Variants in BMP2K observed in about 807,000 individuals in gnomAD.
BMP2K encodes the protein BMP-2-inducible protein kinase.
BMP2K carries 74 observed loss-of-function variants against 116.0 expected under a neutral mutation model. The ratio of observed to expected loss-of-function variants is 0.64; its 90% confidence interval spans 0.53 to 0.77. The LOEUF is 0.77. Ranked by LOEUF, BMP2K falls within the 30% of genes least tolerant of loss-of-function variation. BMP2K has a pLI of 0.00. For synonymous variants in BMP2K, 486 were observed against 502.5 expected (o/e 0.97, Z 0.44); for missense variants, 1,365 against 1,403.6 (o/e 0.97, Z 0.44).
chr4:78,826,780 T>C (rs1156381089), intron 2 of BMP2K, among the ~76,000 whole-genome samples: 1 of 152,300 alleles, frequency 6.6e-6, no homozygotes, highest in East Asian at 1.9e-4. Context: ...CTTTCTTTTT[T>C]TTTTCTTAAA....
chr4:78,911,469 C>T lies in BMP2K; in HGVS notation c.2922C>T (p.Ser974=). 1 of 1,614,038 alleles carries T rather than the reference C, an allele frequency of 6.2e-7. No homozygotes were observed. Among genetic ancestry groups the T allele is most frequent in the Non-Finnish European group, 8.5e-7 (1 of 1,179,900 alleles). Reference sequence around the variant, plus strand: ...AGCAGCAAAAAGTCAAACAGCGCAGCTTACAGAAACTGTCCTCTCGCCAAA... The same window carrying T: ...AGCAGCAAAAAGTCAAACAGCGCAGTTTACAGAAACTGTCCTCTCGCCAAA... ...GSQQQKVKQR[S]LQKLSSRQRR... Residue 974 remains serine, a synonymous_variant, in exon 16 of 16, where the codon AGC becomes AGT. Coordinates refer to ENST00000502613, the MANE Select transcript of BMP2K (RefSeq NM_198892.2).
intron 15 of BMP2K, among the ~76,000 whole-genome samples, chr4:78,901,764 C>T (rs1001354989): frequency 3.3e-5 from 5 of 152,046 alleles, no homozygotes; most frequent in Admixed American, 1.3e-4. Context: ...ACTTCTAAAA[C>T]GTAGTTTTCA....
At chr4:78,842,243 A>T (rs1730794103) in intron 3 of BMP2K, 142 bp from the exon 4 acceptor site, 1 of 589,182 alleles carries the variant, frequency 1.7e-6, no homozygotes, top group East Asian at 2.8e-5. Context: ...TTAATACAGT[A>T]TGATGTAATA....
intron 15 of BMP2K, among the ~76,000 whole-genome samples, chr4:78,889,211 ACT>A (rs1197925549): frequency 1.5e-5 from 2 of 134,542 alleles, no homozygotes; most frequent in Non-Finnish European, 1.5e-5. Context: ...ATAGAGTGAG[ACT>A]CTGTCTCAAA....
At chr4:78,781,861 G>A (rs1232367850) in intron 1 of BMP2K, among the ~76,000 whole-genome samples, 6 of 152,068 alleles carry the variant, frequency 3.9e-5, no homozygotes, top group Non-Finnish European at 8.8e-5. Flanking sequence ...GATTTCGAGC[G>A]GGCGAAGAAG....
intron 4 of BMP2K, 63 bp downstream of exon 4, chr4:78,842,590 T>C: frequency 7.0e-7 from 1 of 1,428,556 alleles, no homozygotes; most frequent in Non-Finnish European, 9.4e-7. Flanking sequence ...TCTTGGAGTA[T>C]TTTCATCTAA....
intron 1 of BMP2K, among the ~76,000 whole-genome samples, chr4:78,797,186 TTACATTTAG>T (rs1309681555): frequency 6.6e-6 from 1 of 152,216 alleles, no homozygotes; most frequent in Non-Finnish European, 1.5e-5. Flanking sequence ...TTTAAACTGC[TTACATTTAG>T]TACATCTGGG....
chr4:78,893,445 C>A (rs1034966111), intron 15 of BMP2K, among the ~76,000 whole-genome samples: 1 of 152,138 alleles, frequency 6.6e-6, no homozygotes, highest in Admixed American at 6.5e-5. Context: ...TTACGAATCA[C>A]GAATGATTTT....
chr4:78,838,494 A>G (rs1730602721), intron 3 of BMP2K, among the ~76,000 whole-genome samples: 1 of 152,222 alleles, frequency 6.6e-6, no homozygotes, highest in South Asian at 2.1e-4. Context: ...TCAATGGAGT[A>G]TGCATGATAT....
chr4:78,845,103 G>A lies in BMP2K; in HGVS notation c.668+54G>A, dbSNP rs957256648. The A allele has an allele frequency of 2.1e-6, 3 of 1,453,326 alleles. No individual in the cohort carries two copies. In the African/African-American group the frequency reaches 4.3e-5, roughly 21 times the overall value. 90.0% of individuals were successfully genotyped at this position (1,453,326 alleles called of 1,614,324 possible). On this transcript the variant is annotated intron_variant, in intron 5 of 15. Transcript: ENST00000502613. The stretch of plus-strand genomic sequence containing the variant: ...TCATGGTAATTTTAAGTTAACTTGA[G>A]TCTCTGGCCAGCACTGCTAATACAA...
At position 78,870,879 on chromosome 4, in the gene BMP2K, A is replaced by G. The variant is rs1440973975; in HGVS notation, c.1328A>G (p.Gln443Arg). Residue 443 changes from glutamine to arginine, a missense_variant, in exon 11 of 16, where the codon CAG becomes CGG. Physicochemically the swap from Gln to Arg is conservative, Grantham distance 43. Coordinates refer to ENST00000502613, the MANE Select transcript of BMP2K (RefSeq NM_198892.2). ...QQHRVLQQLQ[Q>R]GDWRLQQLHL... ...CATAGAGTACTCCAGCAACTACAGC[A>G]GGGAGATTGGAGATTACAGCAACTC... 1 of 1,613,966 alleles carries G rather than the reference A, an allele frequency of 6.2e-7. No individual in the cohort carries two copies. The highest frequency in any genetic ancestry group is 8.5e-7 in the Non-Finnish European group (1 of 1,179,988).
At chr4:78,782,107 C>T (rs556051164) in intron 1 of BMP2K, among the ~76,000 whole-genome samples, 7 of 152,314 alleles carry the variant, frequency 4.6e-5, no homozygotes, top group East Asian at 1.9e-4. Flanking sequence ...GCAATGTGCT[C>T]CACTCCCTGT....
At chr4:78,805,159 G>T (rs1472975283) in intron 1 of BMP2K, among the ~76,000 whole-genome samples, 2 of 152,140 alleles carry the variant, frequency 1.3e-5, no homozygotes, top group Non-Finnish European at 2.9e-5. Flanking sequence ...ACCATTTATT[G>T]AAAAGGTTAG....
intron 1 of BMP2K, among the ~76,000 whole-genome samples, chr4:78,811,225 A>G (rs1373678075): frequency 6.6e-6 from 1 of 152,184 alleles, no homozygotes; most frequent in Non-Finnish European, 1.5e-5. Flanking sequence ...TCTCATTCCT[A>G]AAAGCTGAAG....
Position 78,912,747 on chromosome 4 carries a change from A to G in BMP2K, c.*714A>G, listed in dbSNP as rs1163627012. The G allele has an allele frequency of 6.6e-6, 1 of 152,160 alleles. No individual in the cohort carries two copies. Among genetic ancestry groups the G allele is most frequent in the African/African-American group, 2.4e-5 (1 of 41,450 alleles). 9.4% of individuals were successfully genotyped at this position (152,160 alleles called of 1,614,324 possible). A position where few individuals can be genotyped will look rare whatever the true frequency, so the allele number is the denominator to read the frequency against. On this transcript the variant is annotated 3_prime_UTR_variant, in exon 16 of 16. Transcript: ENST00000502613. ...ATGTTATACATGATAAATATATATA[A>G]TTTTTGTCAGTTAAAACAAATTAAA...
intron 1 of BMP2K, among the ~76,000 whole-genome samples, chr4:78,781,449 T>G (rs1186271063): frequency 1.3e-5 from 2 of 151,774 alleles, no homozygotes; most frequent in African/African-American, 4.8e-5. Flanking sequence ...TTTGAGGTGT[T>G]TGGAGGACAG....
chr4:78,891,311 C>T (rs1030008182), intron 15 of BMP2K, among the ~76,000 whole-genome samples: 2 of 152,094 alleles, frequency 1.3e-5, no homozygotes, highest in African/African-American at 4.8e-5. Context: ...CCTCCTTACC[C>T]CACCATGGAC....
At position 78,915,098 on chromosome 4, in the gene BMP2K, G is replaced by C. The variant is rs1560564944; in HGVS notation, c.*3065G>C. ...GGCCGGATGAAAATTTAACTGACTA[G>C]AACATTTATTCAGGAGTGTAATTAT... On this transcript the variant is annotated 3_prime_UTR_variant, in exon 16 of 16. Transcript: ENST00000502613. The C allele has an allele frequency of 6.6e-6, 1 of 151,940 alleles. No homozygotes were observed. Among genetic ancestry groups the C allele is most frequent in the Non-Finnish European group, 1.5e-5 (1 of 67,922 alleles). The allele number at this position is 151,940 out of a possible 1,614,324, so 9.4% of individuals were successfully genotyped here. A position where few individuals can be genotyped will look rare whatever the true frequency, so the allele number is the denominator to read the frequency against.
In BMP2K at chr4:78,911,169, AAAG is replaced by A. The variant is rs1352755126; in HGVS notation, c.2625_2627del (p.Lys875del). ...TGCGTGCTCAACAGCCCCAGCAAGA[AAAG>A]AATGAAAAGAACCTCCCTCAACACA... On this transcript the variant is annotated inframe_deletion, in exon 16 of 16. Coordinates refer to ENST00000502613, the MANE Select transcript of BMP2K (RefSeq NM_198892.2). 1.4e-5 allele frequency: 22 copies of A among 1,613,714 alleles called. No homozygotes were observed. The highest frequency in any genetic ancestry group is 3.3e-5 in the Admixed American group (2 of 59,978).
Sources: gnomAD v4.1 joint callset for allele counts (sites outside exome capture counted in the v4.1 genomes callset) on GRCh38, gnomAD v4.1.1 for gene constraint, MANE v1.5 for transcripts, NCBI Gene and HGNC (gene_info 2026-07-23, HGNC 2026-07-21) for gene names.